CDH2: variants seen among roughly 807,000 people sequenced by gnomAD.
CDH2 encodes the protein cadherin 2.
In CDH2, 17 loss-of-function variants were observed where a neutral mutation model predicts 92.0. The observed-to-expected ratio is 0.18, with a 90% confidence interval of 0.13 to 0.28. The LOEUF (loss-of-function observed/expected upper bound fraction) is 0.28. Among genes scored for constraint, CDH2 ranks in the 10% least tolerant of loss-of-function variants. The pLI is 1.00. For synonymous variants in CDH2, 419 were observed against 415.9 expected (o/e 1.01, Z -0.09); for missense variants, 862 against 1,133.1 (o/e 0.76, Z 3.44).
Position 27,969,530 on chromosome 18 carries a change from C to T in CDH2, c.2350-6009G>A, listed in dbSNP as rs202062622. On this transcript the variant is annotated intron_variant, in intron 14 of 15. Transcript: ENST00000269141. ...TGAAATCCTATCACAACTTATTTCC[C>T]GTTACAAAATTATGGCTTATTCTTT... 9.9e-5 allele frequency among the ~76,000 whole-genome samples: 15 copies of T among 152,098 alleles called. 1 individual carries two copies. In the East Asian group the frequency reaches 1.9e-3, roughly 20 times the overall value.
intron 1 of CDH2, among the ~76,000 whole-genome samples, chr18:28,173,346 C>A (rs934631439): frequency 6.6e-6 from 1 of 152,090 alleles, no homozygotes; most frequent in Non-Finnish European, 1.5e-5. Context: ...AAGAAATATA[C>A]ATAACTGTGT....
chr18:27,982,209 T>C (rs1052431260), intron 14 of CDH2, among the ~76,000 whole-genome samples: 4 of 152,182 alleles, frequency 2.6e-5, no homozygotes, highest in African/African-American at 9.7e-5. Context: ...AGCTTACAGA[T>C]GTTTGCTATG....
intron 2 of CDH2, among the ~76,000 whole-genome samples, chr18:28,063,679 G>T (rs1002088343): frequency 1.3e-5 from 2 of 152,172 alleles, no homozygotes; most frequent in Non-Finnish European, 2.9e-5. Flanking sequence ...TTTGAACCCG[G>T]TAATGATCTA....
intron 2 of CDH2, among the ~76,000 whole-genome samples, chr18:28,024,977 T>C (rs2013511632): frequency 6.6e-6 from 1 of 152,170 alleles, no homozygotes; most frequent in African/African-American, 2.4e-5. Context: ...CAGTAAATGA[T>C]AAAATTTATA....
chr18:27,964,820 A>C (rs1026111511), intron 14 of CDH2, among the ~76,000 whole-genome samples: 1 of 152,216 alleles, frequency 6.6e-6, no homozygotes, highest in African/African-American at 2.4e-5. Flanking sequence ...CAAGTGTATT[A>C]GATTCCAAAG....
At chr18:28,050,739 C>T (rs545049354) in intron 2 of CDH2, among the ~76,000 whole-genome samples, 2 of 152,266 alleles carry the variant, frequency 1.3e-5, no homozygotes, top group South Asian at 4.1e-4. Flanking sequence ...CTCTCCCATT[C>T]CCACCCCCAG....
At chr18:28,136,413 A>G (rs2015863257) in intron 2 of CDH2, among the ~76,000 whole-genome samples, 1 of 151,630 alleles carries the variant, frequency 6.6e-6, no homozygotes, top group Non-Finnish European at 1.5e-5. Flanking sequence ...ACCATCAAGT[A>G]AAGTGAAGAA....
chr18:28,053,395 AT>A (rs1567980422), intron 2 of CDH2, among the ~76,000 whole-genome samples: 3 of 152,228 alleles, frequency 2.0e-5, no homozygotes, highest in African/African-American at 7.2e-5. Context: ...ATTCATTAAG[AT>A]TATCAAACAT....
intron 1 of CDH2, among the ~76,000 whole-genome samples, chr18:28,167,245 A>G (rs939324578): frequency 2.6e-5 from 4 of 152,142 alleles, no homozygotes; most frequent in Non-Finnish European, 4.4e-5. Flanking sequence ...CAGAATTCCA[A>G]ATGTATTTGG....
chr18:28,148,896 G>T (rs2016079031), intron 1 of CDH2, among the ~76,000 whole-genome samples: 1 of 152,122 alleles, frequency 6.6e-6, no homozygotes, highest in Non-Finnish European at 1.5e-5. Context: ...CTAATAAACT[G>T]TTCTTTTCAA....
intron 2 of CDH2, among the ~76,000 whole-genome samples, chr18:28,098,876 C>T (rs921471908): frequency 6.6e-6 from 1 of 151,978 alleles, no homozygotes; most frequent in Non-Finnish European, 1.5e-5. Flanking sequence ...GTGCTATGTA[C>T]ATTAATTGGG....
At chr18:28,015,248 T>C (rs1221201103) in intron 2 of CDH2, among the ~76,000 whole-genome samples, 5 of 152,184 alleles carry the variant, frequency 3.3e-5, no homozygotes, top group African/African-American at 1.2e-4. Flanking sequence ...ATAGAAGTCA[T>C]AAAATACTTT....
chr18:28,146,313 C>T (rs973341211), intron 2 of CDH2: 3 of 151,980 alleles, frequency 2.0e-5, no homozygotes, highest in African/African-American at 7.2e-5. Context: ...ATTTACAGGT[C>T]ATACAAGTTC....
chr18:28,035,763 G>C (rs1353587173), intron 2 of CDH2, among the ~76,000 whole-genome samples: 1 of 152,018 alleles, frequency 6.6e-6, no homozygotes, highest in East Asian at 1.9e-4. Context: ...AGCTGCATGA[G>C]AGTCTCTTGT....
intron 2 of CDH2, among the ~76,000 whole-genome samples, chr18:28,098,136 C>T (rs2015166777): frequency 6.6e-6 from 1 of 151,942 alleles, no homozygotes; most frequent in South Asian, 2.1e-4. Context: ...TGTAAATGGT[C>T]TATAAAAGAG....
chr18:28,000,946 T>C (rs191925644), intron 7 of CDH2, among the ~76,000 whole-genome samples: 1 of 152,244 alleles, frequency 6.6e-6, no homozygotes, highest in East Asian at 1.9e-4. Context: ...CAAAGTAATT[T>C]ATCCCTGGCC....
chr18:28,079,659 C>T (rs1217016900), intron 2 of CDH2, among the ~76,000 whole-genome samples: 1 of 152,164 alleles, frequency 6.6e-6, no homozygotes, highest in African/African-American at 2.4e-5. Context: ...GTTCTGCTAT[C>T]AAATCAGAGG....
At chr18:27,939,581 C>T (rs942554870) in intron 6 of CDH2, among the ~76,000 whole-genome samples, 1 of 152,164 alleles carries the variant, frequency 6.6e-6, no homozygotes, top group Non-Finnish European at 1.5e-5. Context: ...TCTTCCTGTG[C>T]GTTGCAGATG....
At chr18:27,938,338 G>A (rs574427514) in intron 6 of CDH2, among the ~76,000 whole-genome samples, 1 of 152,140 alleles carries the variant, frequency 6.6e-6, no homozygotes, top group South Asian at 2.1e-4. Context: ...GGCTTATACA[G>A]CATACCTTTT....
Sources: gnomAD v4.1 joint callset for allele counts (sites outside exome capture counted in the v4.1 genomes callset) on GRCh38, gnomAD v4.1.1 for gene constraint, MANE v1.5 for transcripts, NCBI Gene and HGNC (gene_info 2026-07-23, HGNC 2026-07-21) for gene names.